The following ESRRG variants were observed in gnomAD, a reference collection of about 807,000 sequenced individuals.
ESRRG encodes the protein estrogen related receptor gamma.
ESRRG carries 13 observed loss-of-function variants against 44.0 expected under a neutral mutation model. The observed-to-expected ratio is 0.30, with a 90% confidence interval of 0.19 to 0.47. ESRRG has a LOEUF of 0.47. ESRRG is among the 20% of genes least tolerant of loss of function. ESRRG has a pLI of 1.00. For missense variants in ESRRG, 395 were observed against 580.6 expected, an observed-to-expected ratio of 0.68 and a Z score of 3.29; for synonymous variants, 215 against 214.6, an observed-to-expected ratio of 1.00 and a Z score of -0.02.
chr1:217,048,073 A>G (rs1558100497), intron 1 of ESRRG, among the ~76,000 whole-genome samples: 3 of 152,150 alleles, frequency 2.0e-5, no homozygotes, highest in African/African-American at 7.2e-5. Flanking sequence ...TCTGTCTTTC[A>G]GGGTCCTCCC....
chr1:217,040,551 A>G (rs1047277581), intron 1 of ESRRG, among the ~76,000 whole-genome samples: 6 of 152,304 alleles, frequency 3.9e-5, no homozygotes, highest in Non-Finnish European at 8.8e-5. Flanking sequence ...TAGCAATCAA[A>G]AACTTTTTTT....
intron 1 of ESRRG, among the ~76,000 whole-genome samples, chr1:217,041,470 T>TA (rs1022419090): frequency 1.3e-5 from 2 of 151,976 alleles, no homozygotes; most frequent in African/African-American, 2.4e-5. Context: ...CATAGTTTTT[T>TA]AAAAAAAATA....
intron 5 of ESRRG, among the ~76,000 whole-genome samples, chr1:216,525,409 C>A (rs2047338865): frequency 6.6e-6 from 1 of 152,102 alleles, no homozygotes; most frequent in South Asian, 2.1e-4. Flanking sequence ...TAGCTTTTCC[C>A]AAACTCCCTC....
chr1:216,948,574 C>T (rs2066461220), intron 1 of ESRRG, among the ~76,000 whole-genome samples: 1 of 151,176 alleles, frequency 6.6e-6, no homozygotes, highest in Non-Finnish European at 1.5e-5. Context: ...CTAATATTTC[C>T]AGATTATCTA....
At chr1:216,914,800 G>C (rs1298650572) in intron 2 of ESRRG, among the ~76,000 whole-genome samples, 1 of 152,094 alleles carries the variant, frequency 6.6e-6, no homozygotes, top group Admixed American at 6.6e-5. Context: ...TGAAGCACTG[G>C]CCACCATAAC....
At chr1:216,722,156 T>C (rs2086480188) in intron 1 of ESRRG, among the ~76,000 whole-genome samples, 1 of 152,258 alleles carries the variant, frequency 6.6e-6, no homozygotes, top group African/African-American at 2.4e-5. Flanking sequence ...CTACCTCATC[T>C]TCTAGAGTTT....
chr1:216,988,429 T>C (rs1489813433), intron 1 of ESRRG, among the ~76,000 whole-genome samples: 2 of 152,242 alleles, frequency 1.3e-5, no homozygotes, highest in African/African-American at 4.8e-5. Flanking sequence ...CAATGTATGT[T>C]GCTTGTGAAC....
At chr1:216,828,757 A>T (rs943728481) in intron 2 of ESRRG, among the ~76,000 whole-genome samples, 1 of 152,144 alleles carries the variant, frequency 6.6e-6, no homozygotes, top group African/African-American at 2.4e-5. Context: ...TATTTCAGTG[A>T]CCAATAACTT....
intron 5 of ESRRG, among the ~76,000 whole-genome samples, chr1:216,520,367 A>G (rs2045721759): frequency 6.6e-6 from 1 of 152,148 alleles, no homozygotes; most frequent in South Asian, 2.1e-4. Flanking sequence ...TGAATTACCT[A>G]TGTGATCAAT....
At chr1:217,076,392 A>AG in intron 1 of ESRRG, among the ~76,000 whole-genome samples, 1 of 152,164 alleles carries the variant, frequency 6.6e-6, no homozygotes, top group East Asian at 1.9e-4. Flanking sequence ...ACAAACCACG[A>AG]GGTTAGCACT....
chr1:216,746,264 C>T (rs954661023), intron 2 of ESRRG, among the ~76,000 whole-genome samples: 1 of 152,102 alleles, frequency 6.6e-6, no homozygotes, highest in Non-Finnish European at 1.5e-5. Flanking sequence ...CTATCTGCTG[C>T]CAGGGTCTGA....
intron 2 of ESRRG, among the ~76,000 whole-genome samples, chr1:216,667,080 G>A (rs1178467925): frequency 6.6e-6 from 1 of 152,202 alleles, no homozygotes; most frequent in Non-Finnish European, 1.5e-5. Context: ...ATAGGCACCA[G>A]GTCTTATGCC....
intron 2 of ESRRG, among the ~76,000 whole-genome samples, chr1:216,870,633 C>A (rs1028080638): frequency 2.6e-5 from 4 of 151,866 alleles, no homozygotes; most frequent in Non-Finnish European, 5.9e-5. Flanking sequence ...ACTACCTGGG[C>A]CTGGAGATTT....
intron 1 of ESRRG, among the ~76,000 whole-genome samples, chr1:217,079,423 C>T (rs1420127342): frequency 6.6e-6 from 1 of 152,204 alleles, no homozygotes; most frequent in African/African-American, 2.4e-5. Context: ...TGAAAGCCAG[C>T]CCAGGAGCTG....
intron 1 of ESRRG, among the ~76,000 whole-genome samples, chr1:217,129,445 G>A (rs796238818): frequency 1.1e-4 from 16 of 152,274 alleles, no homozygotes; most frequent in African/African-American, 3.6e-4. Flanking sequence ...AACAAAGTTG[G>A]ACCCAAGAGA....
intron 3 of ESRRG, among the ~76,000 whole-genome samples, chr1:216,616,435 T>G (rs2061436985): frequency 6.6e-6 from 1 of 152,220 alleles, no homozygotes; most frequent in African/African-American, 2.4e-5. Flanking sequence ...CGTGTCTGAT[T>G]AAAAAAATTT....
chr1:216,604,061 A>G (rs147125642), intron 3 of ESRRG, among the ~76,000 whole-genome samples: 1 of 152,114 alleles, frequency 6.6e-6, no homozygotes, highest in African/African-American at 2.4e-5. Context: ...AAGAGTGTAC[A>G]TAAAATTAGG....
At chr1:216,989,998 A>G (rs141024932) in intron 1 of ESRRG, among the ~76,000 whole-genome samples, 1 of 152,150 alleles carries the variant, frequency 6.6e-6, no homozygotes, top group African/African-American at 2.4e-5. Context: ...TGAGATGTGG[A>G]CGGTTAACAA....
chr1:216,791,712 A>G (rs2094325984), intron 2 of ESRRG, among the ~76,000 whole-genome samples: 1 of 152,210 alleles, frequency 6.6e-6, no homozygotes, highest in African/African-American at 2.4e-5. Flanking sequence ...TTGTACTTAT[A>G]AGCACTATCA....
Sources: gnomAD v4.1 joint callset for allele counts (sites outside exome capture counted in the v4.1 genomes callset) on GRCh38, gnomAD v4.1.1 for gene constraint, MANE v1.5 for transcripts, NCBI Gene and HGNC (gene_info 2026-07-23, HGNC 2026-07-21) for gene names.